Variants in CAMK2A observed in about 807,000 individuals in gnomAD.
CAMK2A encodes the protein calcium/calmodulin dependent protein kinase II alpha.
CAMK2A carries 7 observed loss-of-function variants against 79.2 expected under a neutral mutation model. The ratio of observed to expected loss-of-function variants is 0.09; its 90% CI spans 0.05 to 0.17. CAMK2A has a LOEUF of 0.17. CAMK2A is among the 10% of genes least tolerant of loss of function. CAMK2A has a pLI of 1.00. For synonymous variants in CAMK2A, 242 were observed against 251.7 expected, an observed-to-expected ratio of 0.96 and a Z score of 0.36; for missense variants, 214 against 646.4, an observed-to-expected ratio of 0.33 and a Z score of 7.25.
chr5:150,273,880 T>C (rs554901609), intron 1 of CAMK2A, among the ~76,000 whole-genome samples: 1 of 152,348 alleles, frequency 6.6e-6, no homozygotes, highest in East Asian at 1.9e-4. Context: ...TGACTAGCCG[T>C]GTATGTGTGC....
At chr5:150,229,393 C>A (rs1418505357) in intron 16 of CAMK2A, among the ~76,000 whole-genome samples, 1 of 152,206 alleles carries the variant, frequency 6.6e-6, no homozygotes, top group Admixed American at 6.5e-5. Flanking sequence ...AGCGCCCCCA[C>A]TGAAGAAGCC....
chr5:150,278,378 T>C (rs1415356339), intron 1 of CAMK2A, among the ~76,000 whole-genome samples: 1 of 133,100 alleles, frequency 7.5e-6, no homozygotes, highest in South Asian at 2.4e-4. Flanking sequence ...ATCTTCTGTT[T>C]AAAAAAAAAA....
intron 15 of CAMK2A, 23 bp from the exon 16 acceptor site, chr5:150,231,403 G>C (rs773205241): frequency 1.2e-6 from 1 of 867,424 alleles, no homozygotes; most frequent in East Asian, 2.9e-5. Context: ...AGGGGACACA[G>C]AAATAATAAT....
chr5:150,251,143 G>A (rs1295074684), intron 9 of CAMK2A, among the ~76,000 whole-genome samples: 1 of 152,246 alleles, frequency 6.6e-6, no homozygotes, highest in African/African-American at 2.4e-5. Context: ...TGTAACCTGG[G>A]TAAGTCACAT....
chr5:150,268,768 A>T (rs1239862549), intron 2 of CAMK2A, among the ~76,000 whole-genome samples: 1 of 151,800 alleles, frequency 6.6e-6, no homozygotes, highest in Non-Finnish European at 1.5e-5. Context: ...CATTCTAATA[A>T]TTTTTTTTGA....
chr5:150,249,597 G>A (rs1267933151), intron 11 of CAMK2A, among the ~76,000 whole-genome samples: 1 of 150,992 alleles, frequency 6.6e-6, no homozygotes, highest in Non-Finnish European at 1.5e-5. Flanking sequence ...TACTCAGGCT[G>A]GAGTGCAATG....
chr5:150,276,587 G>A (rs1756956141), intron 1 of CAMK2A, among the ~76,000 whole-genome samples: 1 of 152,190 alleles, frequency 6.6e-6, no homozygotes, highest in Non-Finnish European at 1.5e-5. Flanking sequence ...CTAGCTGGGG[G>A]CCATGATTCT....
chr5:150,261,130 C>A (rs1384711611), intron 3 of CAMK2A, among the ~76,000 whole-genome samples: 2 of 112,944 alleles, frequency 1.8e-5, no homozygotes, highest in African/African-American at 6.0e-5. Flanking sequence ...GAGGTTTTCT[C>A]CAGAGCTGAC....
chr5:150,267,761 G>GA (rs1562186759), intron 2 of CAMK2A, among the ~76,000 whole-genome samples: 1 of 151,916 alleles, frequency 6.6e-6, no homozygotes, highest in African/African-American at 2.4e-5. Flanking sequence ...GAGGCCTGTT[G>GA]ACAAAGGAAG....
At chr5:150,279,715 C>T (rs758114916) in intron 1 of CAMK2A, among the ~76,000 whole-genome samples, 7 of 152,192 alleles carry the variant, frequency 4.6e-5, no homozygotes, top group Non-Finnish European at 8.8e-5. Context: ...TGAGGGTGGA[C>T]GAGCAGGAGT....
chr5:150,239,440 G>T (rs1755241036), intron 14 of CAMK2A, among the ~76,000 whole-genome samples: 1 of 152,208 alleles, frequency 6.6e-6, no homozygotes, highest in South Asian at 2.1e-4. Context: ...CATAGGACTG[G>T]GTTCAGATCC....
chr5:150,259,991 T>TA (rs148267678), intron 3 of CAMK2A, among the ~76,000 whole-genome samples: 1 of 151,624 alleles, frequency 6.6e-6, no homozygotes, highest in Non-Finnish European at 1.5e-5. Flanking sequence ...AAATTAAAAA[T>TA]AAAAAAAATT....
intron 2 of CAMK2A, among the ~76,000 whole-genome samples, chr5:150,265,745 C>T (rs1049582776): frequency 1.3e-5 from 2 of 151,978 alleles, no homozygotes; most frequent in African/African-American, 4.8e-5. Context: ...AGTTCGAGAC[C>T]AGCCTGGACA....
chr5:150,286,247 G>A (rs1357419593), intron 1 of CAMK2A, among the ~76,000 whole-genome samples: 2 of 152,180 alleles, frequency 1.3e-5, no homozygotes, highest in South Asian at 2.1e-4. Flanking sequence ...CTAGGAGACC[G>A]GAATCAAGTT....
rs780257403 is a variant in CAMK2A at position 150,250,341 on chromosome 5, G to A, written c.817-32C>T. ...GAAGTAGGGGAGAGGGCTGTGAGTG[G>A]AAGGCAGGCTGGAAGACAGGCCCAC... On this transcript the variant is annotated intron_variant, in intron 10 of 18. Transcript: ENST00000671881. 45 of 1,586,972 alleles carry A rather than the reference G, an allele frequency of 2.8e-5. 2 individuals are homozygous for A. In the South Asian group the frequency reaches 4.8e-4, roughly 17 times the overall value.
At chr5:150,251,940 G>A (rs1303438237) in intron 8 of CAMK2A, 42 bp downstream of exon 8, 4 of 1,588,554 alleles carry the variant, frequency 2.5e-6, no homozygotes, top group Non-Finnish European at 3.5e-6. Flanking sequence ...CCAGAGGCCG[G>A]GGTGCAGCCA....
chr5:150,232,400 G>T (rs1008839084), intron 15 of CAMK2A, among the ~76,000 whole-genome samples: 1 of 152,188 alleles, frequency 6.6e-6, no homozygotes, highest in Non-Finnish European at 1.5e-5. Context: ...CCTGCCAGGG[G>T]TTGCCTCTCT....
chr5:150,275,416 G>A lies in CAMK2A; in HGVS notation c.63-2257C>T, dbSNP rs77910909. On this transcript the variant is annotated intron_variant, in intron 1 of 18. Coordinates refer to ENST00000671881, the MANE Select transcript of CAMK2A (RefSeq NM_015981.4). ...ACACCAACTGATGCTTTGGACACCA[G>A]TTGGGTATCCTATAATTCAGTTATG... is the stretch of plus-strand genomic sequence containing the variant. Among the ~76,000 whole-genome samples the A allele has an allele frequency of 0.01, 1,591 of 152,264 alleles. 44 individuals carry two copies. The East Asian group carries it at 0.12, about 12-fold the overall frequency.
chr5:150,286,555 G>A (rs1245221181), intron 1 of CAMK2A, among the ~76,000 whole-genome samples: 1 of 152,238 alleles, frequency 6.6e-6, no homozygotes, highest in Non-Finnish European at 1.5e-5. Context: ...AGGCTCCCAT[G>A]TGCCCTTTTA....
Sources: gnomAD v4.1 joint callset for allele counts (sites outside exome capture counted in the v4.1 genomes callset) on GRCh38, gnomAD v4.1.1 for gene constraint, MANE v1.5 for transcripts, NCBI Gene and HGNC (gene_info 2026-07-23, HGNC 2026-07-21) for gene names.